PREX2: variants seen among roughly 807,000 people sequenced by gnomAD.
PREX2 encodes the protein phosphatidylinositol 3,4,5-trisphosphate-dependent Rac exchanger 2 protein.
A neutral mutation model predicts 203.2 loss-of-function variants in PREX2; 107 were observed. That is an observed-to-expected ratio of 0.53 (90% CI 0.45 to 0.62). The LOEUF (loss-of-function observed/expected upper bound fraction) is 0.62. Ranked by LOEUF, PREX2 falls within the 20% of genes least tolerant of loss-of-function variation. PREX2 has a pLI of 0.00. For missense variants in PREX2, 1,777 were observed against 1,955.9 expected, an observed-to-expected ratio of 0.91 and a Z score of 1.72; for synonymous variants, 672 against 663.6, an observed-to-expected ratio of 1.01 and a Z score of -0.19.
At chr8:67,964,671 A>G (rs1805718710) in intron 1 of PREX2, among the ~76,000 whole-genome samples, 1 of 151,612 alleles carries the variant, frequency 6.6e-6, no homozygotes, top group Admixed American at 6.6e-5. Context: ...GCTTTGGGGT[A>G]TTTGGTGATT....
intron 36 of PREX2, 90 bp downstream of exon 36, chr8:68,191,878 C>G (rs551872704): frequency 2.9e-5 from 25 of 873,586 alleles, no homozygotes; most frequent in Non-Finnish European, 4.5e-5. Flanking sequence ...AAAAATTAAT[C>G]TAAGTAGTTT....
intron 1 of PREX2, among the ~76,000 whole-genome samples, chr8:67,984,288 C>T (rs958242463): frequency 2.6e-5 from 4 of 151,890 alleles, no homozygotes; most frequent in Admixed American, 1.3e-4. Context: ...TCATTAAGAA[C>T]GAAGAGTATG....
At chr8:68,152,435 A>T (rs775680751) in intron 34 of PREX2, among the ~76,000 whole-genome samples, 28 of 150,702 alleles carry the variant, frequency 1.9e-4, no homozygotes, top group Non-Finnish European at 2.6e-4. Flanking sequence ...AGTCTGTGGG[A>T]AGGTGTAAAC....
At chr8:68,101,345 A>G (rs1292040726) in intron 23 of PREX2, 1 of 518,642 alleles carries the variant, frequency 1.9e-6, no homozygotes, top group African/African-American at 1.9e-5. Context: ...CAATTCCTGT[A>G]ATGTTTGGGT....
chr8:68,115,030 T>C (rs1230979961), intron 25 of PREX2, among the ~76,000 whole-genome samples: 245 of 140,548 alleles, frequency 1.7e-3, no homozygotes, highest in South Asian at 3.5e-3. Flanking sequence ...TCTTTTTTTT[T>C]TTTTTTTTTT....
intron 30 of PREX2, among the ~76,000 whole-genome samples, chr8:68,123,726 T>G (rs1810825891): frequency 6.6e-6 from 1 of 151,836 alleles, no homozygotes; most frequent in Admixed American, 6.6e-5. Context: ...ATTGAATCCC[T>G]GAACAGACCT....
At chr8:67,967,203 G>A (rs1805801678) in intron 1 of PREX2, among the ~76,000 whole-genome samples, 1 of 152,150 alleles carries the variant, frequency 6.6e-6, no homozygotes, top group Non-Finnish European at 1.5e-5. Context: ...CTTCAGTGTA[G>A]TGATAATTCA....
At chr8:68,114,983 G>A (rs1258017491) in intron 25 of PREX2, among the ~76,000 whole-genome samples, 1 of 146,522 alleles carries the variant, frequency 6.8e-6, no homozygotes, top group Non-Finnish European at 1.5e-5. Context: ...AGATTACTGA[G>A]TATTTTCTGT....
rs568630475 is a variant in PREX2, at chr8:68,224,550, G to T, written c.4708-9G>T. The T allele has an allele frequency of 4.3e-6, 7 of 1,612,206 alleles. No individual in the cohort carries two copies. The highest frequency in any genetic ancestry group is 4.0e-5 in the African/African-American group (3 of 74,956). ...CTGTAGGGATAAAAGTGATTTTCCT[G>T]ACTTTCAGGGAGCAAGAGTTCAGAA... is the stretch of plus-strand genomic sequence containing the variant. On this transcript the variant is annotated splice_polypyrimidine_tract_variant and intron_variant, in intron 38 of 39. Transcript: ENST00000288368.
intron 14 of PREX2, among the ~76,000 whole-genome samples, chr8:68,074,337 A>G (rs528444950): frequency 7.9e-5 from 12 of 152,246 alleles, no homozygotes; most frequent in African/African-American, 2.9e-4. Context: ...CATAATAGGA[A>G]TTGCATTGGC....
intron 1 of PREX2, among the ~76,000 whole-genome samples, chr8:67,970,865 G>A (rs1805906605): frequency 6.6e-6 from 1 of 152,118 alleles, no homozygotes; most frequent in Non-Finnish European, 1.5e-5. Context: ...CAGCTGTTTT[G>A]CAATTATTAT....
intron 33 of PREX2, among the ~76,000 whole-genome samples, chr8:68,142,914 G>A (rs1811254597): frequency 6.6e-6 from 1 of 152,102 alleles, no homozygotes; most frequent in East Asian, 1.9e-4. Flanking sequence ...CTCCAGTGAT[G>A]AATGAGTGCT....
intron 1 of PREX2, among the ~76,000 whole-genome samples, chr8:67,960,568 T>C (rs549705182): frequency 7.7e-4 from 117 of 152,178 alleles, no homozygotes; most frequent in African/African-American, 1.5e-3. Flanking sequence ...GAGGGAGTGT[T>C]CCGGGAGCCA....
intron 23 of PREX2, chr8:68,106,109 C>T: frequency 3.1e-6 from 1 of 320,788 alleles, no homozygotes; most frequent in Non-Finnish European, 6.0e-6. Flanking sequence ...GGAATAGATG[C>T]CTCTCTTCTT....
chr8:67,954,164 A>C (rs1805429737), intron 1 of PREX2, among the ~76,000 whole-genome samples: 1 of 152,208 alleles, frequency 6.6e-6, no homozygotes, highest in South Asian at 2.1e-4. Flanking sequence ...GAAAGTGTGG[A>C]AAGTATAAAA....
chr8:68,228,574 A>C (rs1283692597), intron 39 of PREX2, among the ~76,000 whole-genome samples: 2 of 152,084 alleles, frequency 1.3e-5, no homozygotes, highest in Non-Finnish European at 2.9e-5. Context: ...CATCCTGGCT[A>C]ACATGGTGAA....
chr8:68,067,423 C>G (rs1219972971), intron 11 of PREX2, among the ~76,000 whole-genome samples: 1 of 151,838 alleles, frequency 6.6e-6, no homozygotes, highest in Non-Finnish European at 1.5e-5. Flanking sequence ...TTATTTCTTT[C>G]ATGGTTTATA....
In PREX2 at chr8:68,216,124, G is replaced by A. The variant is rs1812833564; in HGVS notation, c.4605-1492G>A. On this transcript the variant is annotated intron_variant, in intron 37 of 39. Transcript: ENST00000288368. ...GAATGCAGTTATATGTAATCACACA[G>A]TTGCACTTTGTGAGGTTCTAATATT... Among the ~76,000 whole-genome samples the A allele has an allele frequency of 2.0e-5, 3 of 152,234 alleles. No homozygotes were observed. In the South Asian group the frequency reaches 6.2e-4, roughly 31 times the overall value.
rs191957760 is a variant in PREX2 at position 68,059,942 on chromosome 8, T to C, written c.1239-737T>C. Among the ~76,000 whole-genome samples the C allele has an allele frequency of 2.0e-5, 3 of 152,324 alleles. No homozygotes were observed. The East Asian group carries it at 5.8e-4, about 29-fold the overall frequency. On this transcript the variant is annotated intron_variant, in intron 10 of 39. Transcript: ENST00000288368. ...TCTAATGCTTTTAATTTCTCTGACT[T>C]CCTGTCATGCCACTAGCCTGAGAAA...
Sources: gnomAD v4.1 joint callset for allele counts (sites outside exome capture counted in the v4.1 genomes callset) on GRCh38, gnomAD v4.1.1 for gene constraint, MANE v1.5 for transcripts, NCBI Gene and HGNC (gene_info 2026-07-23, HGNC 2026-07-21) for gene names.